The following ADAMTSL1 variants were observed in gnomAD, a reference collection of about 807,000 sequenced individuals.
ADAMTSL1 encodes ADAMTS-like protein 1.
Under a neutral mutation model 201.8 loss-of-function variants are expected in ADAMTSL1, and 126 were observed. The observed-to-expected ratio is 0.62, with a 90% CI of 0.54 to 0.72. The LOEUF is 0.72. Ranked by LOEUF, ADAMTSL1 falls within the 30% of genes least tolerant of loss-of-function variation. ADAMTSL1 has a pLI of 0.00. For missense variants in ADAMTSL1, 2,679 were observed against 2,277.8 expected, an observed-to-expected ratio of 1.18 and a Z score of -3.59; for synonymous variants, 1,121 against 903.4, an observed-to-expected ratio of 1.24 and a Z score of -4.32.
At chr9:18,035,336 A>G (rs946926145) in intron 1 of ADAMTSL1, among the ~76,000 whole-genome samples, 17 of 152,182 alleles carry the variant, frequency 1.1e-4, no homozygotes, top group Admixed American at 9.8e-4. Flanking sequence ...ATGTGCTTCA[A>G]TTGAAGTGGA....
intron 2 of ADAMTSL1, among the ~76,000 whole-genome samples, chr9:18,324,589 ATCTCG>A (rs1834753917): frequency 6.6e-6 from 1 of 152,034 alleles, no homozygotes; most frequent in African/African-American, 2.4e-5. Flanking sequence ...ACACGGTGAA[ATCTCG>A]TCTCTACTAA....
chr9:17,961,239 T>C (rs1277906159), intron 1 of ADAMTSL1, among the ~76,000 whole-genome samples: 1 of 152,010 alleles, frequency 6.6e-6, no homozygotes, highest in Non-Finnish European at 1.5e-5. Context: ...TTTTCATGGA[T>C]GTTGTGATTA....
chr9:18,685,658 A>T (rs572880775), intron 13 of ADAMTSL1, among the ~76,000 whole-genome samples: 1 of 152,328 alleles, frequency 6.6e-6, no homozygotes, highest in East Asian at 1.9e-4. Flanking sequence ...AGCATGTAGG[A>T]TATAAAATGA....
chr9:18,599,167 G>A (rs926749015), intron 4 of ADAMTSL1, among the ~76,000 whole-genome samples: 4 of 152,174 alleles, frequency 2.6e-5, no homozygotes, highest in South Asian at 2.1e-4. Context: ...TATAATGTCC[G>A]TTCAGCAGTT....
intron 2 of ADAMTSL1, among the ~76,000 whole-genome samples, chr9:18,423,346 C>T (rs572138123): frequency 1.3e-5 from 2 of 152,274 alleles, no homozygotes; most frequent in South Asian, 4.1e-4. Context: ...AGGAAATGAG[C>T]ATTTTAAAAG....
intron 15 of ADAMTSL1, among the ~76,000 whole-genome samples, chr9:18,744,175 A>G (rs992977881): frequency 2.0e-5 from 3 of 152,258 alleles, no homozygotes; most frequent in Admixed American, 2.0e-4. Context: ...TGAGCACCAC[A>G]ATGCACGTTT....
intron 1 of ADAMTSL1, among the ~76,000 whole-genome samples, chr9:18,024,151 T>A (rs1354739571): frequency 2.0e-5 from 3 of 152,164 alleles, no homozygotes; most frequent in African/African-American, 7.2e-5. Context: ...TGGATTGATA[T>A]CTTTGTCTTG....
At position 18,325,996 on chromosome 9, in the gene ADAMTSL1, C is replaced by T. The variant is rs192692307; in HGVS notation, c.207+162015C>T. Among the ~76,000 whole-genome samples, 449 of 152,280 alleles carry T rather than the reference C, an allele frequency of 2.9e-3. 1 individual carries two copies. The highest frequency in any genetic ancestry group is 9.7e-3 in the African/African-American group (403 of 41,548). On this transcript the variant is annotated intron_variant, in intron 2 of 29. Transcript: ENST00000680146. Reference sequence around the variant, plus strand: ...CCTCAGGTGATCCACCCACCTTGGGCCTCCCAAAGTGCTGGGATTACAGGT... The same window carrying T: ...CCTCAGGTGATCCACCCACCTTGGGTCTCCCAAAGTGCTGGGATTACAGGT...
intron 1 of ADAMTSL1, among the ~76,000 whole-genome samples, chr9:18,494,482 T>C (rs1383340036): frequency 6.6e-6 from 1 of 152,040 alleles, no homozygotes; most frequent in Non-Finnish European, 1.5e-5. Context: ...AATAAAAAGA[T>C]GTGAGCAAGA....
chr9:18,181,203 C>T (rs1158765880), intron 2 of ADAMTSL1, among the ~76,000 whole-genome samples: 3 of 152,150 alleles, frequency 2.0e-5, no homozygotes, highest in Admixed American at 6.6e-5. Context: ...ACCTAGGCAA[C>T]ACCATTCAGG....
intron 16 of ADAMTSL1, among the ~76,000 whole-genome samples, chr9:18,756,560 G>T (rs1283210449): frequency 6.6e-6 from 1 of 152,092 alleles, no homozygotes; most frequent in African/African-American, 2.4e-5. Flanking sequence ...AAAATCCATT[G>T]CCTGGTTAGC....
At chr9:18,199,063 A>T (rs897601807) in intron 2 of ADAMTSL1, among the ~76,000 whole-genome samples, 1 of 147,344 alleles carries the variant, frequency 6.8e-6, no homozygotes. Context: ...GAACAATGAG[A>T]ACACATGGAC....
rs1467312566 is a variant in ADAMTSL1, at chr9:18,910,525, C to T, written c.*1977C>T. 1 of 152,208 alleles carries T rather than the reference C, an allele frequency of 6.6e-6. No homozygotes were observed. The highest frequency in any genetic ancestry group is 1.5e-5 in the Non-Finnish European group (1 of 68,042). 9.4% of individuals were successfully genotyped at this position (152,208 alleles called of 1,614,324 possible). A position where few individuals can be genotyped will look rare whatever the true frequency, so the allele number is the denominator to read the frequency against. On this transcript the variant is annotated 3_prime_UTR_variant, in exon 29 of 29. Coordinates refer to ENST00000380548, the MANE Select transcript of ADAMTSL1 (RefSeq NM_001040272.6). Reference sequence around the variant, plus strand: ...CACTGTACAGGATGTGTTGTAAAAACTAACATGGGATGCTGAGGCAGTAAG... The same window carrying T: ...CACTGTACAGGATGTGTTGTAAAAATTAACATGGGATGCTGAGGCAGTAAG...
At position 18,703,352 on chromosome 9, in the gene ADAMTSL1, C is replaced by G. The variant is rs571013168; in HGVS notation, c.1575-3395C>G. On this transcript the variant is annotated intron_variant, in intron 13 of 28. Transcript: ENST00000380548. ...GATCTAGGGACTTGGGGAAAAGCCT[C>G]CTATGAAAAACAGTTATTATTCATT... 1.4e-4 allele frequency among the ~76,000 whole-genome samples: 22 copies of G among 152,186 alleles called. No homozygotes were observed. The South Asian group carries it at 4.6e-3, about 32-fold the overall frequency.
chr9:18,376,114 A>G (rs1433182263), intron 2 of ADAMTSL1, among the ~76,000 whole-genome samples: 1 of 152,252 alleles, frequency 6.6e-6, no homozygotes, highest in African/African-American at 2.4e-5. Context: ...TGTTCCAGAA[A>G]TAATATTCTG....
chr9:18,563,502 T>G (rs1457749291), intron 3 of ADAMTSL1, among the ~76,000 whole-genome samples: 1 of 152,196 alleles, frequency 6.6e-6, no homozygotes, highest in Non-Finnish European at 1.5e-5. Context: ...GGGACCCACT[T>G]CACGAGGCAG....
intron 15 of ADAMTSL1, among the ~76,000 whole-genome samples, chr9:18,722,223 T>A (rs1345427024): frequency 2.0e-5 from 3 of 152,210 alleles, no homozygotes; most frequent in Non-Finnish European, 4.4e-5. Flanking sequence ...TTAGCCAACA[T>A]TGAGTCACAG....
At chr9:18,562,354 C>T (rs373634313) in intron 3 of ADAMTSL1, among the ~76,000 whole-genome samples, 3 of 152,300 alleles carry the variant, frequency 2.0e-5, no homozygotes, top group East Asian at 3.9e-4. Flanking sequence ...CCCCCACTCT[C>T]TTCTGGCTTG....
Position 18,395,017 on chromosome 9 carries a change from C to T in ADAMTSL1, c.208-109812C>T, listed in dbSNP as rs540449916. On this transcript the variant is annotated intron_variant, in intron 2 of 29. Transcript: ENST00000680146. ...CTTGGAAACCTTGGTTTAAGCAATTCTCTTTACCTTTTTGTCTGAGATTTG... is the reference window on the plus strand; with the variant it reads ...CTTGGAAACCTTGGTTTAAGCAATTTTCTTTACCTTTTTGTCTGAGATTTG... Among the ~76,000 whole-genome samples, 10 of 152,288 alleles carry T rather than the reference C, an allele frequency of 6.6e-5. No homozygotes were observed. The South Asian group carries it at 2.1e-3, about 32-fold the overall frequency.
Sources: gnomAD v4.1 joint callset for allele counts (sites outside exome capture counted in the v4.1 genomes callset) on GRCh38, gnomAD v4.1.1 for gene constraint, MANE v1.5 for transcripts, NCBI Gene and HGNC (gene_info 2026-07-23, HGNC 2026-07-21) for gene names.